Variants in TEAD1 observed in about 807,000 individuals in gnomAD.
TEAD1 encodes transcriptional enhancer factor TEF-1.
In TEAD1, 9 loss-of-function variants were observed where a neutral mutation model predicts 54.9. The ratio of observed to expected loss-of-function variants is 0.16; its 90% CI spans 0.10 to 0.29. TEAD1 has a LOEUF of 0.29. Among genes scored for constraint, TEAD1 ranks in the 10% least tolerant of loss-of-function variants. The pLI is 1.00. For missense variants in TEAD1, 387 were observed against 535.9 expected (o/e 0.72, Z 2.74); for synonymous variants, 200 against 187.8 (o/e 1.07, Z -0.53).
chr11:12,755,501 C>G (rs1054276244), intron 2 of TEAD1, among the ~76,000 whole-genome samples: 8 of 152,250 alleles, frequency 5.3e-5, no homozygotes, highest in African/African-American at 1.9e-4. Flanking sequence ...ACTCCACAGG[C>G]TACTGGAATT....
chr11:12,837,036 A>T lies in TEAD1; in HGVS notation c.203-25214A>T, dbSNP rs117959644. Reference sequence around the variant, plus strand: ...CCCACAGTGACTTTTTCTCAAGCCCAGCAAACTCATATATACCCTAGTGTA... The same window carrying T: ...CCCACAGTGACTTTTTCTCAAGCCCTGCAAACTCATATATACCCTAGTGTA... On this transcript the variant is annotated intron_variant, in intron 3 of 12. Transcript: ENST00000527636. Among the ~76,000 whole-genome samples the T allele has an allele frequency of 1.8e-4, 27 of 152,320 alleles. No homozygotes were observed. In the East Asian group the frequency reaches 5.0e-3, roughly 28 times the overall value.
At chr11:12,695,996 A>G (rs1001758801) in intron 2 of TEAD1, among the ~76,000 whole-genome samples, 1 of 152,218 alleles carries the variant, frequency 6.6e-6, no homozygotes, top group Non-Finnish European at 1.5e-5. Flanking sequence ...CCTATTTGAT[A>G]GCAACAAAGT....
At chr11:12,839,383 C>T (rs577248679) in intron 3 of TEAD1, among the ~76,000 whole-genome samples, 5 of 152,280 alleles carry the variant, frequency 3.3e-5, no homozygotes, top group African/African-American at 9.6e-5. Context: ...TGTACTCCAG[C>T]CTCGGTGACA....
chr11:12,698,066 T>C (rs1943624475), intron 2 of TEAD1, among the ~76,000 whole-genome samples: 1 of 149,732 alleles, frequency 6.7e-6, no homozygotes. Context: ...ACCAGAGGGG[T>C]TTAGACTTTT....
intron 2 of TEAD1, among the ~76,000 whole-genome samples, chr11:12,722,405 T>C (rs1410302165): frequency 6.6e-6 from 1 of 152,142 alleles, no homozygotes; most frequent in East Asian, 1.9e-4. Flanking sequence ...TCAAGAAACC[T>C]CATGCAGGCA....
At chr11:12,764,076 G>T in intron 2 of TEAD1, 103 bp from the exon 3 acceptor site, 1 of 727,888 alleles carries the variant, frequency 1.4e-6, no homozygotes, top group South Asian at 2.1e-5. Flanking sequence ...ATAATAAAAT[G>T]AAATGAAAAA....
intron 3 of TEAD1, among the ~76,000 whole-genome samples, chr11:12,825,370 G>A (rs894220660): frequency 6.6e-6 from 1 of 152,220 alleles, no homozygotes; most frequent in African/African-American, 2.4e-5. Flanking sequence ...AGTACGAACC[G>A]ACTAATGAGT....
At chr11:12,901,842 G>C (rs986600230) in intron 9 of TEAD1, 98 bp from the exon 10 acceptor site, 2 of 1,493,122 alleles carry the variant, frequency 1.3e-6, no homozygotes, top group African/African-American at 2.8e-5. Flanking sequence ...CCTAATTCCA[G>C]AATTTTGGTA....
chr11:12,889,789 A>G lies in TEAD1; in HGVS notation c.699+6664A>G, dbSNP rs550892917. On this transcript the variant is annotated intron_variant, in intron 9 of 12. Transcript: ENST00000527636. ...CAGGCTGGAATGTAGTGGCACAATC[A>G]CAGCTGACTGCAGCCTCGACCTCCC... Among the ~76,000 whole-genome samples the G allele has an allele frequency of 1.7e-4, 26 of 152,092 alleles. No individual in the cohort carries two copies. In the East Asian group the frequency reaches 4.7e-3, roughly 27 times the overall value.
chr11:12,756,421 A>G (rs564515120), intron 2 of TEAD1, among the ~76,000 whole-genome samples: 158 of 152,240 alleles, frequency 1.0e-3, no homozygotes, highest in Non-Finnish European at 1.9e-3. Context: ...CAGGCTGCCA[A>G]TCTTCACTTG....
chr11:12,791,127 A>G (rs111868852), intron 3 of TEAD1, among the ~76,000 whole-genome samples: 294 of 152,312 alleles, frequency 1.9e-3, no homozygotes, highest in African/African-American at 6.3e-3. Context: ...CACCCTATAG[A>G]GGAGATTTCC....
chr11:12,725,394 G>T (rs1944291888), intron 2 of TEAD1, among the ~76,000 whole-genome samples: 1 of 152,212 alleles, frequency 6.6e-6, no homozygotes, highest in Non-Finnish European at 1.5e-5. Flanking sequence ...AGTCATGTGA[G>T]AGTTTGACAG....
intron 10 of TEAD1, among the ~76,000 whole-genome samples, chr11:12,919,290 T>G (rs1173931645): frequency 6.6e-6 from 1 of 152,150 alleles, no homozygotes; most frequent in Non-Finnish European, 1.5e-5. Context: ...TTCTAAGAGA[T>G]AATGGTAAAC....
chr11:12,752,213 G>GTT (rs35143229), intron 2 of TEAD1, among the ~76,000 whole-genome samples: 16,611 of 100,640 alleles, frequency 0.17, 1,452 homozygotes, highest in South Asian at 0.23. Context: ...AAACAGGGCA[G>GTT]TTTTTTTTTT....
At chr11:12,756,906 G>A (rs1944993112) in intron 2 of TEAD1, among the ~76,000 whole-genome samples, 1 of 152,216 alleles carries the variant, frequency 6.6e-6, no homozygotes, top group African/African-American at 2.4e-5. Context: ...GCTGAATTTG[G>A]TTTTGAGGTA....
At chr11:12,718,929 A>G (rs889936291) in intron 2 of TEAD1, among the ~76,000 whole-genome samples, 2 of 151,692 alleles carry the variant, frequency 1.3e-5, no homozygotes, top group African/African-American at 2.4e-5. Context: ...TGCTTTATGT[A>G]TATCATCATA....
intron 3 of TEAD1, among the ~76,000 whole-genome samples, chr11:12,795,216 G>C: frequency 6.6e-6 from 1 of 152,110 alleles, no homozygotes; most frequent in East Asian, 1.9e-4. Flanking sequence ...GTTAATTTCA[G>C]TCTCTAACTT....
In TEAD1 at chr11:12,741,586, A is replaced by G. The variant is rs149063884; in HGVS notation, c.-54-22593A>G. Among the ~76,000 whole-genome samples, 149 of 152,198 alleles carry G rather than the reference A, an allele frequency of 9.8e-4. 1 individual carries two copies. The highest frequency in any genetic ancestry group is 3.4e-3 in the African/African-American group (143 of 41,552). ...CTAGTGATCATGCATATTTTCCCAT[A>G]TGCTTATTCTGCTCTGTAATTGTCT... On this transcript the variant is annotated intron_variant, in intron 2 of 12. Coordinates refer to ENST00000527636, the MANE Select transcript of TEAD1 (RefSeq NM_021961.6).
chr11:12,798,859 GAA>G (rs2133972778), intron 3 of TEAD1, among the ~76,000 whole-genome samples: 1 of 152,332 alleles, frequency 6.6e-6, no homozygotes, highest in South Asian at 2.1e-4. Flanking sequence ...ACTCATGAGG[GAA>G]GCAGTGCTGT....
Sources: gnomAD v4.1 joint callset for allele counts (sites outside exome capture counted in the v4.1 genomes callset) on GRCh38, gnomAD v4.1.1 for gene constraint, MANE v1.5 for transcripts, NCBI Gene and HGNC (gene_info 2026-07-23, HGNC 2026-07-21) for gene names.